Variants in CDK14 observed in about 807,000 individuals in gnomAD.
CDK14 encodes the protein cyclin dependent kinase 14, also known as cyclin-dependent kinase 14.
In CDK14, 34 loss-of-function variants were observed where a neutral mutation model predicts 60.7. The observed-to-expected ratio is 0.56, with a 90% CI of 0.43 to 0.75. CDK14 has a LOEUF of 0.75. CDK14 is among the 30% of genes least tolerant of loss of function. The pLI is 0.00. For synonymous variants in CDK14, 197 were observed against 203.7 expected, an observed-to-expected ratio of 0.97 and a Z score of 0.28; for missense variants, 482 against 564.1, an observed-to-expected ratio of 0.85 and a Z score of 1.47.
chr7:91,030,023 A>C (rs1562875105), intron 10 of CDK14, among the ~76,000 whole-genome samples: 1 of 152,184 alleles, frequency 6.6e-6, no homozygotes, highest in Non-Finnish European at 1.5e-5. Context: ...CTTTATCAGG[A>C]CCTATATTTT....
intron 11 of CDK14, among the ~76,000 whole-genome samples, chr7:91,070,935 G>T (rs1053324799): frequency 5.9e-5 from 9 of 151,950 alleles, no homozygotes; most frequent in African/African-American, 2.2e-4. Context: ...AAAGAGTCCA[G>T]GCTCTTATAT....
chr7:90,703,051 AACTT>A (rs1432690057), intron 2 of CDK14, among the ~76,000 whole-genome samples: 1 of 151,560 alleles, frequency 6.6e-6, no homozygotes, highest in Non-Finnish European at 1.5e-5. Context: ...TTTATTCAGA[AACTT>A]AGGTAAGTTT....
rs199913343 is a variant in CDK14, at chr7:91,174,095, T to G, written c.*29-33070T>G. ...GAAGAGAGCAGTGGTTCTCCCAGCA[T>G]GCAGCTGGAGATCTGAGAACGGGCA... On this transcript the variant is annotated intron_variant, in intron 14 of 14. Transcript: ENST00000380050. Among the ~76,000 whole-genome samples the G allele has an allele frequency of 1.8e-4, 27 of 152,044 alleles. No homozygotes were observed. The South Asian group carries it at 2.5e-3, about 14-fold the overall frequency.
At chr7:90,647,229 G>C (rs779640804) in intron 2 of CDK14, among the ~76,000 whole-genome samples, 1 of 152,054 alleles carries the variant, frequency 6.6e-6, no homozygotes, top group African/African-American at 2.4e-5. Context: ...TTGTAGAACC[G>C]TCTTAGTGTG....
At chr7:90,897,724 A>C (rs536712175) in intron 6 of CDK14, among the ~76,000 whole-genome samples, 1 of 152,190 alleles carries the variant, frequency 6.6e-6, no homozygotes, top group African/African-American at 2.4e-5. Context: ...GCATGAAATA[A>C]AACTTTTATA....
chr7:90,967,986 T>A (rs1794808422), intron 9 of CDK14, among the ~76,000 whole-genome samples: 2 of 152,238 alleles, frequency 1.3e-5, no homozygotes, highest in South Asian at 4.1e-4. Flanking sequence ...ATCTACTTCA[T>A]ATTGCTTACT....
intron 10 of CDK14, among the ~76,000 whole-genome samples, chr7:90,998,705 G>A (rs544354075): frequency 2.0e-5 from 3 of 152,240 alleles, no homozygotes; most frequent in African/African-American, 4.8e-5. Context: ...TGGCTAACAC[G>A]GTGAAACCCC....
chr7:91,039,473 C>T (rs183826519), intron 10 of CDK14, among the ~76,000 whole-genome samples: 78 of 152,204 alleles, frequency 5.1e-4, no homozygotes, highest in Non-Finnish European at 3.7e-4. Flanking sequence ...CAGTGAAAAA[C>T]GTGGGTCCCC....
chr7:91,135,687 T>C (rs1018317120), intron 14 of CDK14, among the ~76,000 whole-genome samples: 1 of 152,154 alleles, frequency 6.6e-6, no homozygotes, highest in Non-Finnish European at 1.5e-5. Flanking sequence ...GAGGTTGTCC[T>C]AGCAAAGTTA....
chr7:90,838,590 T>C (rs1202270129), intron 5 of CDK14, among the ~76,000 whole-genome samples: 1 of 152,120 alleles, frequency 6.6e-6, no homozygotes, highest in African/African-American at 2.4e-5. Context: ...TAATAATTAA[T>C]ACCCTGGGAA....
chr7:91,120,004 G>T (rs1037159889), intron 14 of CDK14, among the ~76,000 whole-genome samples: 6 of 152,174 alleles, frequency 3.9e-5, no homozygotes, highest in Non-Finnish European at 8.8e-5. Flanking sequence ...ATTCATGAGG[G>T]TTACAGCATA....
In CDK14 at chr7:90,931,071, ATAAG is replaced by A. The variant is rs1169013976; in HGVS notation, c.826+13353_826+13356del. Among the ~76,000 whole-genome samples the A allele has an allele frequency of 2.0e-5, 3 of 152,330 alleles. No individual in the cohort carries two copies. The East Asian group carries it at 5.8e-4, about 29-fold the overall frequency. On this transcript the variant is annotated intron_variant, in intron 8 of 14. Transcript: ENST00000380050. ...GATTTTTTAAATAGGTATATTACAG[ATAAG>A]TAAGTTTTGCTATCTAGCACTGTAT...
chr7:90,781,164 C>T (rs1805301061), intron 4 of CDK14, among the ~76,000 whole-genome samples: 1 of 152,172 alleles, frequency 6.6e-6, no homozygotes, highest in African/African-American at 2.4e-5. Flanking sequence ...CTCTGATAGC[C>T]AGTGATAGTG....
intron 10 of CDK14, among the ~76,000 whole-genome samples, chr7:91,010,753 CTTCT>C (rs1222997454): frequency 3.4e-5 from 5 of 146,288 alleles, no homozygotes; most frequent in African/African-American, 7.6e-5. Flanking sequence ...TCTTTCCTTC[CTTCT>C]TTCTTTCCTT....
At position 90,668,699 on chromosome 7, in the gene CDK14, C is replaced by CTTTTTTTTTTTTTTTTTTTT. The variant is rs59773768; in HGVS notation, c.124-57860_124-57841dup. ...TATGGTGTAAGGAAGGACTCGCATT[C>CTTTTTTTTTTTTTTTTTTTT]TTTTTTTTTTTTTTTTTTTTTTTTT... On this transcript the variant is annotated intron_variant, in intron 2 of 14. Coordinates refer to ENST00000380050, the MANE Select transcript of CDK14 (RefSeq NM_001287135.2). 3.4e-5 allele frequency among the ~76,000 whole-genome samples: 3 copies of CTTTTTTTTTTTTTTTTTTTT among 87,538 alleles called. 1 individual carries two copies. The highest frequency in any genetic ancestry group is 2.8e-4 in the Admixed American group (2 of 7,192). The allele number at this position is 87,538 out of a possible 152,430, so 57.4% of individuals were successfully genotyped here.
intron 4 of CDK14, among the ~76,000 whole-genome samples, chr7:90,785,898 T>C (rs1250210735): frequency 1.3e-5 from 2 of 152,078 alleles, no homozygotes; most frequent in East Asian, 3.8e-4. Context: ...GTTTCTGAAA[T>C]TGACAGATTT....
intron 9 of CDK14, among the ~76,000 whole-genome samples, chr7:90,962,958 G>A (rs577573503): frequency 6.6e-6 from 1 of 152,148 alleles, no homozygotes; most frequent in Admixed American, 6.5e-5. Context: ...CATTTCTATT[G>A]GGGTACAGCA....
chr7:90,904,234 C>T (rs755106259), intron 7 of CDK14, among the ~76,000 whole-genome samples: 2 of 152,100 alleles, frequency 1.3e-5, no homozygotes, highest in Non-Finnish European at 2.9e-5. Flanking sequence ...TGTGAAGGAT[C>T]TGATCATTCC....
At chr7:91,180,995 A>C (rs1215220847) in intron 14 of CDK14, among the ~76,000 whole-genome samples, 1 of 152,156 alleles carries the variant, frequency 6.6e-6, no homozygotes, top group Non-Finnish European at 1.5e-5. Context: ...CCAAGACAAC[A>C]TTGTTTCCTC....
Sources: gnomAD v4.1 joint callset for allele counts (sites outside exome capture counted in the v4.1 genomes callset) on GRCh38, gnomAD v4.1.1 for gene constraint, MANE v1.5 for transcripts, NCBI Gene and HGNC (gene_info 2026-07-23, HGNC 2026-07-21) for gene names.